The following MCF2 variants were observed in gnomAD, a reference collection of about 807,000 sequenced individuals.
MCF2 encodes the protein proto-oncogene DBL.
MCF2 carries 44 observed loss-of-function variants against 82.5 expected under a neutral mutation model. That is an observed-to-expected ratio of 0.53 (90% confidence interval 0.42 to 0.69). MCF2 has a LOEUF of 0.69. Among genes scored for constraint, MCF2 ranks in the 30% least tolerant of loss-of-function variants. The pLI, the probability that MCF2 is intolerant of heterozygous loss-of-function variation, is 0.00. For synonymous variants in MCF2, 217 were observed against 224.9 expected, an observed-to-expected ratio of 0.96 and a Z score of 0.32; for missense variants, 623 against 663.1, an observed-to-expected ratio of 0.94 and a Z score of 0.66.
exon 17 of MCF2, chrX:139,598,427 A>G (rs150405603): frequency 8.1e-5 from 94 of 1,162,311 alleles, no homozygotes; most frequent in Non-Finnish European, 1.0e-4. Flanking sequence ...ACTGATATTT[A>G]GTGATTCGTT....
At chrX:139,586,570 G>T in intron 22 of MCF2, 83 bp from the exon 27 acceptor site, 2 of 592,551 alleles carry the variant, frequency 3.4e-6, no homozygotes, top group South Asian at 2.9e-5. Context: ...TTCTTCCATT[G>T]ATACCAAGTG....
chrX:139,687,862 T>C (rs769214669), intron 1 of MCF2, among the ~76,000 whole-genome samples: 25 of 112,066 alleles, frequency 2.2e-4, no homozygotes, highest in Non-Finnish European at 4.3e-4. Flanking sequence ...GGAATAGATA[T>C]CACAGAGTCC....
At chrX:139,644,644 T>C (rs1022262413), upstream of MCF2, among the ~76,000 whole-genome samples, 1 of 112,477 alleles carries the variant, frequency 8.9e-6, no homozygotes, top group African/African-American at 3.2e-5. Context: ...TGCTAGAACA[T>C]TGGCTTGGAA....
chrX:139,681,198 A>T (rs1410997499), intron 1 of MCF2, among the ~76,000 whole-genome samples: 1 of 112,762 alleles, frequency 8.9e-6, no homozygotes, highest in Non-Finnish European at 1.9e-5. Context: ...TATATGCAAC[A>T]GCTATTGCTT....
chrX:139,675,721 A>T (rs1261197604), intron 1 of MCF2, among the ~76,000 whole-genome samples: 1 of 111,973 alleles, frequency 8.9e-6, no homozygotes, highest in African/African-American at 3.2e-5. Flanking sequence ...ACCTGCCTGT[A>T]TGAGGTATCA....
At chrX:139,661,393 C>T (rs767368854) in intron 1 of MCF2, among the ~76,000 whole-genome samples, 1 of 111,937 alleles carries the variant, frequency 8.9e-6, no homozygotes, top group Admixed American at 9.5e-5. Context: ...AGGCAGTCAA[C>T]GCCTACAACA....
intron 1 of MCF2, among the ~76,000 whole-genome samples, chrX:139,637,839 C>T (rs747941386): frequency 3.6e-4 from 40 of 111,008 alleles, no homozygotes; most frequent in South Asian, 1.5e-3. Flanking sequence ...GGAGATTATC[C>T]GGGATTATCA....
At chrX:139,706,584 T>C (rs1370024915) in intron 1 of MCF2, among the ~76,000 whole-genome samples, 1 of 98,992 alleles carries the variant, frequency 1.0e-5, no homozygotes, top group Non-Finnish European at 2.1e-5. Context: ...GTGGGGAGGA[T>C]AAAAAAAAAA....
intron 13 of MCF2, among the ~76,000 whole-genome samples, 157 bp from the exon 18 acceptor site, chrX:139,605,141 C>T (rs1930882318): frequency 2.0e-5 from 2 of 99,056 alleles, no homozygotes; most frequent in Non-Finnish European, 2.0e-5. Context: ...TCCTACTTCC[C>T]AAAGTTATCC....
chrX:139,596,763 A>C lies in MCF2; in HGVS notation c.2063T>G (p.Leu688Ter). ...CATTATCATCTTGCCCAGTTCATTT[A>C]AGTTTCCCTAGAATGGAAAATCAAA... The change falls in exon 19 of 25, where the codon TTA becomes TGA. Residue 688 changes from leucine to a stop codon, truncating the protein, a stop_gained. Coordinates refer to ENST00000370576, the Ensembl canonical transcript of MCF2. LOFTEE classifies it high-confidence loss of function. The C allele has an allele frequency of 8.4e-7, 1 of 1,195,635 alleles. No homozygotes were observed. Among genetic ancestry groups the C allele is most frequent in the Middle Eastern group, 2.3e-4 (1 of 4,300 alleles).
intron 1 of MCF2, among the ~76,000 whole-genome samples, chrX:139,671,855 T>G (rs933664427): frequency 8.9e-6 from 1 of 111,909 alleles, no homozygotes; most frequent in Non-Finnish European, 1.9e-5. Flanking sequence ...GTGAAGAAAG[T>G]CATTGGTAGC....
intron 24 of MCF2, among the ~76,000 whole-genome samples, chrX:139,584,240 A>T (rs1928746212): frequency 9.5e-6 from 1 of 105,323 alleles, no homozygotes; most frequent in South Asian, 4.3e-4. Flanking sequence ...GGTTCAAGCG[A>T]TTCTCCTGCC....
At chrX:139,614,507 ATGTGTGTGTGTG>A (rs10578610) in intron 10 of MCF2, among the ~76,000 whole-genome samples, 1,066 of 102,579 alleles carry the variant, frequency 0.01, 6 homozygotes, top group Non-Finnish European at 0.014. Context: ...AGCAGTAAAT[ATGTGTGTGTGTG>A]TGTGTGTGTG....
In MCF2 at chrX:139,652,526, G is replaced by T. The variant is rs1430634559; in HGVS notation, c.-44-738C>A. Reference sequence around the variant, plus strand: ...ACAGATGGAACAATGTCCATGCATTGTTCAATGTGCTTTGATTGTCCCAGA... The same window carrying T: ...ACAGATGGAACAATGTCCATGCATTTTTCAATGTGCTTTGATTGTCCCAGA... On this transcript the variant is annotated intron_variant, in intron 1 of 27. Transcript: ENST00000414978. Among the ~76,000 whole-genome samples, 3 of 111,712 alleles carry T rather than the reference G, an allele frequency of 2.7e-5. No homozygotes were observed. The East Asian group carries it at 8.4e-4, about 31-fold the overall frequency.
chrX:139,652,150 C>T (rs186246766), intron 1 of MCF2, among the ~76,000 whole-genome samples: 205 of 111,890 alleles, frequency 1.8e-3, no homozygotes, highest in African/African-American at 6.2e-3. Context: ...TCTGATAATG[C>T]CTTTCACTCT....
intron 2 of MCF2, 110 bp downstream of exon 2, chrX:139,651,610 T>C (rs1021923159): frequency 1.2e-5 from 5 of 410,562 alleles, no homozygotes; most frequent in Non-Finnish European, 1.3e-5. Context: ...CAAATGAATA[T>C]ATATAATAGC....
chrX:139,688,385 A>G (rs752702612), intron 1 of MCF2, among the ~76,000 whole-genome samples: 1 of 111,955 alleles, frequency 8.9e-6, no homozygotes, highest in Non-Finnish European at 1.9e-5. Flanking sequence ...TCAGGCACTA[A>G]AAGTGTTGAA....
chrX:139,689,922 G>T (rs888992773), intron 1 of MCF2, among the ~76,000 whole-genome samples: 2 of 111,780 alleles, frequency 1.8e-5, no homozygotes, highest in Non-Finnish European at 3.8e-5. Context: ...CATTTTTGAC[G>T]TGATTGTTCA....
chrX:139,685,966 A>G (rs1354473385), intron 1 of MCF2, among the ~76,000 whole-genome samples: 1 of 111,487 alleles, frequency 9.0e-6, no homozygotes, highest in African/African-American at 3.3e-5. Flanking sequence ...ATGCAAATCA[A>G]TAAATGCGAT....
Sources: allele counts gnomAD v4.1 joint callset (sites outside exome capture counted in the v4.1 genomes callset), GRCh38; gene constraint gnomAD v4.1.1; transcripts MANE v1.5; gene names NCBI Gene and HGNC (gene_info 2026-07-23, HGNC 2026-07-21).